The following RIMS2 variants were observed in gnomAD, a reference collection of about 807,000 sequenced individuals.
RIMS2 encodes regulating synaptic membrane exocytosis 2.
RIMS2 carries 59 observed loss-of-function variants against 174.4 expected under a neutral mutation model. The ratio of observed to expected loss-of-function variants is 0.34; its 90% CI spans 0.27 to 0.42. RIMS2 has a LOEUF of 0.42. RIMS2 is among the 10% of genes least tolerant of loss of function. The pLI is 1.00. For missense variants in RIMS2, 1,620 were observed against 1,666.3 expected, an observed-to-expected ratio of 0.97 and a Z score of 0.48; for synonymous variants, 606 against 572.5, an observed-to-expected ratio of 1.06 and a Z score of -0.84.
At chr8:103,557,070 A>C (rs2090621892) in intron 1 of RIMS2, among the ~76,000 whole-genome samples, 1 of 152,230 alleles carries the variant, frequency 6.6e-6, no homozygotes, top group South Asian at 2.1e-4. Context: ...ACAAATCAAA[A>C]TATAAATCTT....
At chr8:103,692,544 A>G (rs1168750409) in intron 1 of RIMS2, among the ~76,000 whole-genome samples, 4 of 152,202 alleles carry the variant, frequency 2.6e-5, no homozygotes, top group African/African-American at 7.2e-5. Flanking sequence ...GGCCCATGGC[A>G]AGTACTGCCT....
At chr8:104,066,863 A>T (rs2097113963) in intron 19 of RIMS2, among the ~76,000 whole-genome samples, 1 of 152,052 alleles carries the variant, frequency 6.6e-6, no homozygotes, top group Admixed American at 6.6e-5. Flanking sequence ...AGTTTTTTGT[A>T]TATTTATCTA....
intron 1 of RIMS2, among the ~76,000 whole-genome samples, chr8:103,650,894 C>T (rs574430433): frequency 6.6e-6 from 1 of 152,368 alleles, no homozygotes; most frequent in East Asian, 1.9e-4. Flanking sequence ...TGGGTCCCAA[C>T]TTGTGAGGCA....
chr8:104,125,091 G>A (rs758432981), intron 19 of RIMS2, among the ~76,000 whole-genome samples: 4 of 152,018 alleles, frequency 2.6e-5, no homozygotes, highest in Non-Finnish European at 5.9e-5. Context: ...AATCCAAACA[G>A]TATATAGAAT....
At chr8:103,961,512 A>C (rs1362434557) in intron 15 of RIMS2, among the ~76,000 whole-genome samples, 2 of 152,146 alleles carry the variant, frequency 1.3e-5, no homozygotes, top group African/African-American at 2.4e-5. Context: ...CAAATGTTTA[A>C]ATGGGAGTTT....
chr8:104,087,290 C>T lies in RIMS2; in HGVS notation c.3334+72675C>T, dbSNP rs189690453. Among the ~76,000 whole-genome samples the T allele has an allele frequency of 4.7e-4, 72 of 152,016 alleles. 1 individual carries two copies. Among genetic ancestry groups the T allele is most frequent in the Non-Finnish European group, 9.0e-4 (61 of 67,960 alleles). Reference sequence around the variant, plus strand: ...TAGATAATAAGATTACTAAAATCAACAAAAGTCATTATCCTCTGGGAGTTT... The same window carrying T: ...TAGATAATAAGATTACTAAAATCAATAAAAGTCATTATCCTCTGGGAGTTT... On this transcript the variant is annotated intron_variant, in intron 19 of 23. Transcript: ENST00000504942.
At chr8:104,052,690 G>T (rs778503262) in intron 19 of RIMS2, among the ~76,000 whole-genome samples, 1 of 152,226 alleles carries the variant, frequency 6.6e-6, no homozygotes, top group Non-Finnish European at 1.5e-5. Context: ...TTTGTTTGGG[G>T]CAAGCTGGGT....
chr8:104,206,089 G>C (rs1365589371), intron 19 of RIMS2, among the ~76,000 whole-genome samples: 1 of 152,036 alleles, frequency 6.6e-6, no homozygotes, highest in African/African-American at 2.4e-5. Flanking sequence ...AAGAGGAAAA[G>C]GAAGTCCTAT....
chr8:103,808,485 T>C (rs2098665226), intron 3 of RIMS2, among the ~76,000 whole-genome samples: 1 of 152,164 alleles, frequency 6.6e-6, no homozygotes, highest in South Asian at 2.1e-4. Context: ...AGTTATATCT[T>C]CAGTTGAGAA....
At chr8:103,627,840 A>G (rs565092501) in intron 1 of RIMS2, among the ~76,000 whole-genome samples, 120 of 152,322 alleles carry the variant, frequency 7.9e-4, no homozygotes, top group African/African-American at 2.7e-3. Flanking sequence ...AATCATTTAT[A>G]CCTTTCTTCA....
chr8:103,960,241 T>A (rs2089495819), intron 14 of RIMS2, among the ~76,000 whole-genome samples: 1 of 152,212 alleles, frequency 6.6e-6, no homozygotes, highest in South Asian at 2.1e-4. Flanking sequence ...GTAGTCACAA[T>A]CTACTTTAGT....
chr8:104,136,036 G>A (rs1318788640), intron 19 of RIMS2, among the ~76,000 whole-genome samples: 1 of 152,218 alleles, frequency 6.6e-6, no homozygotes, highest in East Asian at 1.9e-4. Context: ...CTTGATTAGT[G>A]TAGCTATGTC....
chr8:104,062,131 C>T (rs1377220207), intron 19 of RIMS2, among the ~76,000 whole-genome samples: 5 of 151,962 alleles, frequency 3.3e-5, no homozygotes, highest in East Asian at 3.9e-4. Flanking sequence ...ATTGGTCAGG[C>T]GCAGTGGCTC....
At chr8:103,792,566 A>G (rs1204096682) in intron 3 of RIMS2, among the ~76,000 whole-genome samples, 1 of 152,072 alleles carries the variant, frequency 6.6e-6, no homozygotes, top group Non-Finnish European at 1.5e-5. Flanking sequence ...AGAAATAACT[A>G]AGATCAGAGC....
intron 19 of RIMS2, among the ~76,000 whole-genome samples, chr8:104,104,986 G>A (rs78202502): frequency 0.093 from 14,211 of 152,218 alleles, 826 homozygotes; most frequent in Middle Eastern, 0.14. Flanking sequence ...AGTGAATAGA[G>A]TGTAATGGAA....
intron 19 of RIMS2, among the ~76,000 whole-genome samples, chr8:104,199,464 A>T (rs2099043201): frequency 6.6e-6 from 1 of 152,218 alleles, no homozygotes; most frequent in Non-Finnish European, 1.5e-5. Context: ...TTCATCTTCT[A>T]TTTTTAAGAA....
intron 1 of RIMS2, among the ~76,000 whole-genome samples, chr8:103,669,677 T>G (rs2096720902): frequency 6.6e-6 from 1 of 152,240 alleles, no homozygotes; most frequent in East Asian, 1.9e-4. Context: ...CAGTCAAATC[T>G]TAAAGCTCCA....
At chr8:104,031,249 A>G (rs544103392) in intron 19 of RIMS2, among the ~76,000 whole-genome samples, 12 of 152,226 alleles carry the variant, frequency 7.9e-5, no homozygotes, top group African/African-American at 2.6e-4. Flanking sequence ...TTTTCTCTTG[A>G]TGTTTCAAAA....
In RIMS2 at chr8:104,014,496, G is replaced by A. The variant is rs1182063680; in HGVS notation, c.3225-10G>A. ...TATACTGAAAATGAATATTAATGGT[G>A]TGTCTTTAGGTCTCATCCTCGTACT... On this transcript the variant is annotated splice_polypyrimidine_tract_variant and intron_variant, in intron 18 of 23. Transcript: ENST00000504942. The A allele has an allele frequency of 3.4e-6, 5 of 1,483,586 alleles. No homozygotes were observed. The South Asian group carries it at 4.7e-5, about 14-fold the overall frequency. The allele number at this position is 1,483,586 out of a possible 1,614,324, so 91.9% of individuals were successfully genotyped here. A position where few individuals can be genotyped will look rare whatever the true frequency, so the allele number is the denominator to read the frequency against.
Sources: allele counts gnomAD v4.1 joint callset (sites outside exome capture counted in the v4.1 genomes callset), GRCh38; gene constraint gnomAD v4.1.1; transcripts MANE v1.5; gene names NCBI Gene and HGNC (gene_info 2026-07-23, HGNC 2026-07-21).